Variants in TPX2 observed in about 807,000 individuals in gnomAD.
The protein encoded by TPX2 is TPX2 microtubule nucleation factor.
Under a neutral mutation model 93.6 loss-of-function variants are expected in TPX2, and 21 were observed. That is an observed-to-expected ratio of 0.22 (90% CI 0.16 to 0.32). The LOEUF is 0.32. TPX2 is among the 10% of genes least tolerant of loss of function. The pLI, the probability that TPX2 is intolerant of heterozygous loss-of-function variation, is 1.00. For synonymous variants in TPX2, 281 were observed against 298.3 expected, an observed-to-expected ratio of 0.94 and a Z score of 0.60; for missense variants, 776 against 871.1, an observed-to-expected ratio of 0.89 and a Z score of 1.37.
chr20:31,786,916 C>T (rs723906), intron 12 of TPX2, among the ~76,000 whole-genome samples: 5 of 152,078 alleles, frequency 3.3e-5, no homozygotes, highest in South Asian at 2.1e-4. Flanking sequence ...CGAATTGATA[C>T]GATTTGCGGA....
intron 7 of TPX2, among the ~76,000 whole-genome samples, chr20:31,774,087 G>A (rs2061980966): frequency 6.6e-6 from 1 of 151,996 alleles, no homozygotes; most frequent in African/African-American, 2.4e-5. Context: ...GGCCAGGCTG[G>A]TCTCAAACTC....
chr20:31,792,850 G>C lies in TPX2; in HGVS notation c.1509+20G>C. On this transcript the variant is annotated intron_variant, in intron 13 of 17. Coordinates refer to ENST00000300403, the MANE Select transcript of TPX2 (RefSeq NM_012112.5). ...GATGAGGTGATTCCCTGGGAGTAGG[G>C]GGGTTCTTTTTCCTTCTATATAGTC... is the stretch of plus-strand genomic sequence containing the variant. 1 of 1,609,354 alleles carries C rather than the reference G, an allele frequency of 6.2e-7. No homozygotes were observed. Among genetic ancestry groups the C allele is most frequent in the South Asian group, 1.1e-5 (1 of 90,986 alleles).
chr20:31,754,715 A>G (rs973267944), intron 2 of TPX2, among the ~76,000 whole-genome samples: 1 of 152,176 alleles, frequency 6.6e-6, no homozygotes, highest in South Asian at 2.1e-4. Context: ...AGCTACAAGG[A>G]TGATGCTTTA....
intron 4 of TPX2, among the ~76,000 whole-genome samples, chr20:31,764,143 T>C (rs573609098): frequency 4.0e-5 from 6 of 149,766 alleles, no homozygotes; most frequent in African/African-American, 1.2e-4. Context: ...CATATACATG[T>C]ATGTGTACAT....
At chr20:31,745,719 T>G (rs1486106625) in intron 2 of TPX2, among the ~76,000 whole-genome samples, 1 of 152,238 alleles carries the variant, frequency 6.6e-6, no homozygotes, top group African/African-American at 2.4e-5. Flanking sequence ...ATGAAATGAC[T>G]GCTATTTGAC....
chr20:31,784,930 C>T (rs2062056067), intron 12 of TPX2, among the ~76,000 whole-genome samples: 1 of 152,184 alleles, frequency 6.6e-6, no homozygotes, highest in Non-Finnish European at 1.5e-5. Flanking sequence ...TCCGGGATAA[C>T]TCTAGAAGCA....
chr20:31,744,528 CTTTT>C (rs1002156599), intron 2 of TPX2, among the ~76,000 whole-genome samples: 7 of 151,722 alleles, frequency 4.6e-5, no homozygotes, highest in African/African-American at 1.7e-4. Flanking sequence ...CTTCTCTTTT[CTTTT>C]TTGTTTTTTT....
At chr20:31,775,414 T>C (rs1246699232) in intron 7 of TPX2, among the ~76,000 whole-genome samples, 12 of 151,458 alleles carry the variant, frequency 7.9e-5, no homozygotes, top group Admixed American at 7.9e-4. Context: ...TCTCGCTCTG[T>C]GGCCAGGCTG....
At chr20:31,800,935 A>T in intron 17 of TPX2, 35 bp from the exon 18 acceptor site, 5 of 1,503,088 alleles carry the variant, frequency 3.3e-6, no homozygotes, top group Non-Finnish European at 4.6e-6. Flanking sequence ...GTTCTCTGAC[A>T]TCCCTCTCAC....
At position 31,798,389 on chromosome 20, in the gene TPX2, A is replaced by G. The variant is rs1474399620; in HGVS notation, c.1970A>G (p.Gln657Arg). ...VAEGLSGSLV[Q>R]EPFQLATEKR... ...GAGGGCCTTTCTGGTTCTCTAGTTC[A>G]GGAACCTTTTCAGCTGGCTACTGAG... Residue 657 changes from glutamine (Q) to arginine (R), a missense_variant, in exon 17 of 18, where the codon CAG becomes CGG. Transcript: ENST00000300403. 25 of 1,614,108 alleles carry G rather than the reference A, an allele frequency of 1.5e-5. No homozygotes were observed. Among genetic ancestry groups the G allele is most frequent in the Non-Finnish European group, 2.0e-5 (24 of 1,180,016 alleles).
intron 12 of TPX2, among the ~76,000 whole-genome samples, chr20:31,788,523 G>A (rs1303596046): frequency 6.6e-6 from 1 of 151,858 alleles, no homozygotes; most frequent in African/African-American, 2.4e-5. Flanking sequence ...TCTGTCTGAT[G>A]CTTTTGTTCC....
chr20:31,785,686 C>T (rs113082975), intron 12 of TPX2, among the ~76,000 whole-genome samples: 1,892 of 152,058 alleles, frequency 0.012, 30 homozygotes, highest in African/African-American at 0.044. Context: ...ATAGTAGAGA[C>T]GGGGTTTCGC....
chr20:31,786,600 C>T (rs923529287), intron 12 of TPX2, among the ~76,000 whole-genome samples: 3 of 152,126 alleles, frequency 2.0e-5, no homozygotes, highest in Admixed American at 6.5e-5. Flanking sequence ...GACTGGGTTT[C>T]GCCATGTTGC....
At chr20:31,799,576 A>G (rs914959792) in intron 17 of TPX2, among the ~76,000 whole-genome samples, 7 of 152,190 alleles carry the variant, frequency 4.6e-5, no homozygotes, top group Non-Finnish European at 1.0e-4. Context: ...AGCGGTACAC[A>G]ATAAAAATAT....
chr20:31,784,604 A>G (rs946396751), intron 12 of TPX2, among the ~76,000 whole-genome samples: 5 of 152,228 alleles, frequency 3.3e-5, no homozygotes, highest in African/African-American at 9.6e-5. Context: ...TCCAGGCAGT[A>G]GGAATTACAT....
intron 10 of TPX2, among the ~76,000 whole-genome samples, chr20:31,780,184 T>C (rs2062024748): frequency 6.6e-6 from 1 of 152,106 alleles, no homozygotes; most frequent in Non-Finnish European, 1.5e-5. Context: ...CCCGAGTAGC[T>C]GGGATTACAG....
Position 31,792,738 on chromosome 20 carries a change from G to A in TPX2, c.1417G>A (p.Val473Ile). 2 of 1,613,428 alleles carry A rather than the reference G, an allele frequency of 1.2e-6. No individual in the cohort carries two copies. Among genetic ancestry groups the A allele is most frequent in the Non-Finnish European group, 8.5e-7 (1 of 1,179,326 alleles). The change falls in exon 13 of 18, where the codon GTT becomes ATT. Residue 473 changes from valine (V) to isoleucine (I), a missense_variant. Transcript: ENST00000300403. ...PTKILEDVVG[V>I]PEKKVLPITV... ...TTGAGTTGCTTACTCCTTTCAGGGT[G>A]TTCCTGAAAAGAAGGTACTTCCAAT...
intron 1 of TPX2, among the ~76,000 whole-genome samples, chr20:31,740,188 A>C (rs988853934): frequency 6.6e-6 from 1 of 152,112 alleles, no homozygotes. Flanking sequence ...TTCCACATAT[A>C]ATTTTCTAGT....
chr20:31,797,446 A>G lies in TPX2; in HGVS notation c.1876A>G (p.Lys626Glu). The change falls in exon 16 of 18, where the codon AAG becomes GAG. Residue 626 changes from lysine to glutamate, a missense_variant. Physicochemically the swap from Lys to Glu is moderately conservative, Grantham distance 56. Coordinates refer to ENST00000300403, the MANE Select transcript of TPX2 (RefSeq NM_012112.5). ...LRQQKEAACF[K>E]ARPNTVISQE... ...ACAGCAGAAAGAAGCAGCTTGTTTCAAGGCTCGTCCAAACACCGTCATCTC... is the reference window on the plus strand; with the variant it reads ...ACAGCAGAAAGAAGCAGCTTGTTTCGAGGCTCGTCCAAACACCGTCATCTC... 1 of 1,614,056 alleles carries G rather than the reference A, an allele frequency of 6.2e-7. No homozygotes were observed.
Sources: gnomAD v4.1 joint callset for allele counts (sites outside exome capture counted in the v4.1 genomes callset) on GRCh38, gnomAD v4.1.1 for gene constraint, MANE v1.5 for transcripts, NCBI Gene and HGNC (gene_info 2026-07-23, HGNC 2026-07-21) for gene names.